The following RIPOR3 variants were observed in gnomAD, a reference collection of about 807,000 sequenced individuals.
RIPOR3 encodes family with sequence similarity 65 member C.
In RIPOR3, 95 loss-of-function variants were observed where a neutral mutation model predicts 114.3. The ratio of observed to expected loss-of-function variants is 0.83; its 90% confidence interval spans 0.70 to 0.99. The LOEUF is 0.99. Ranked by LOEUF, RIPOR3 falls within the 50% of genes least tolerant of loss-of-function variation. RIPOR3 has a pLI of 0.00. For missense variants in RIPOR3, 1,252 were observed against 1,266.9 expected (o/e 0.99, Z 0.18); for synonymous variants, 575 against 543.8 (o/e 1.06, Z -0.80).
At chr20:50,591,623 C>A (rs1568814890) in intron 19 of RIPOR3, among the ~76,000 whole-genome samples, 1 of 152,200 alleles carries the variant, frequency 6.6e-6, no homozygotes, top group Non-Finnish European at 1.5e-5. Context: ...GTAGACTATG[C>A]CCTTGATGTC....
intron 1 of RIPOR3, among the ~76,000 whole-genome samples, chr20:50,683,577 C>T (rs2086927431): frequency 6.6e-6 from 1 of 151,878 alleles, no homozygotes; most frequent in Non-Finnish European, 1.5e-5. Context: ...CTCAGCCTCC[C>T]GAGTAGCTGG....
rs376896594 is a variant in RIPOR3, at chr20:50,602,605, C to T, written c.1126G>A (p.Gly376Ser). The T allele has an allele frequency of 8.7e-6, 13 of 1,502,166 alleles. No homozygotes were observed. In the African/African-American group the frequency reaches 1.7e-4, roughly 19 times the overall value. The allele number at this position is 1,502,166 out of a possible 1,614,324, so 93.1% of individuals were successfully genotyped here. A position where few individuals can be genotyped will look rare whatever the true frequency, so the allele number is the denominator to read the frequency against. The change falls in exon 13 of 22, where the codon GGT becomes AGT. Residue 376 changes from glycine (G) to serine (S), a missense_variant. Coordinates refer to ENST00000327979, the MANE Select transcript of RIPOR3 (RefSeq NM_001290268.2). This position sits in a 1 kb window ranked among gnomAD's most constrained non-coding sequence, Gnocchi z 4.3. ...AGGATGGAGGTGGCCCTTGGGCCAC[C>T]CAGCAGCAAGGCCTGCTGTGTTGGC... The part of the protein sequence containing the change: ...QQPTQQALLL[G>S]GPRATSILSY...
At chr20:50,647,551 C>T (rs951018843) in intron 1 of RIPOR3, among the ~76,000 whole-genome samples, 2 of 142,260 alleles carry the variant, frequency 1.4e-5, no homozygotes, top group Non-Finnish European at 3.0e-5. Flanking sequence ...GGCGCAATCT[C>T]GGCTCACTGC....
At chr20:50,624,457 G>A (rs945760411) in intron 2 of RIPOR3, among the ~76,000 whole-genome samples, 11 of 152,268 alleles carry the variant, frequency 7.2e-5, no homozygotes, top group East Asian at 1.9e-4. Flanking sequence ...TTATACCCTC[G>A]CTGCTGCAGC....
chr20:50,655,351 C>T (rs1033400025), intron 1 of RIPOR3, among the ~76,000 whole-genome samples: 2 of 152,200 alleles, frequency 1.3e-5, no homozygotes, highest in Non-Finnish European at 2.9e-5. Flanking sequence ...CAGGGACAAA[C>T]TCCTTCTTGT....
In RIPOR3 at chr20:50,614,075, G is replaced by A. The variant is rs566206007; in HGVS notation, c.348+1927C>T. Among the ~76,000 whole-genome samples the A allele has an allele frequency of 1.7e-4, 26 of 152,190 alleles. No individual in the cohort carries two copies. The South Asian group carries it at 5.4e-3, about 32-fold the overall frequency. On this transcript the variant is annotated intron_variant, in intron 4 of 21. Transcript: ENST00000327979. ...CATTGAAACAGAGTCTGGCTCTATCGTCCAGGCTGGTGTGCAGTGGTACGA... is the reference window on the plus strand; with the variant it reads ...CATTGAAACAGAGTCTGGCTCTATCATCCAGGCTGGTGTGCAGTGGTACGA...
In RIPOR3 at chr20:50,592,445, T is replaced by C. The variant is rs754415164; in HGVS notation, c.2476A>G (p.Arg826Gly). 3.6e-5 allele frequency: 58 copies of C among 1,612,520 alleles called. No homozygotes were observed. The highest frequency in any genetic ancestry group is 1.6e-4 in the Middle Eastern group (1 of 6,080). Residue 826 changes from arginine (R) to glycine (G), a missense_variant, in exon 19 of 22, where the codon AGA (arginine) becomes GGA (glycine). Physicochemically the swap from Arg to Gly is moderately radical, Grantham distance 125. Transcript: ENST00000327979. ...GQLQPLPQTL[R>G]AWALLQLDGT... ...TCCAGCTGGAGCAGCGCCCAGGCTC[T>C]TAAGGTCTGGGGCAGAGGCTGGAGC... is the stretch of plus-strand genomic sequence containing the variant.
At chr20:50,649,832 C>T (rs2085539086) in intron 1 of RIPOR3, among the ~76,000 whole-genome samples, 1 of 152,130 alleles carries the variant, frequency 6.6e-6, no homozygotes, top group African/African-American at 2.4e-5. Context: ...TTTGAGGCTT[C>T]CAATGGGGGC....
intron 1 of RIPOR3, among the ~76,000 whole-genome samples, chr20:50,666,180 C>CCCTTCCCTT (rs1600720802): frequency 3.6e-5 from 3 of 82,636 alleles, no homozygotes; most frequent in African/African-American, 1.6e-4. Context: ...AGAAAGGACA[C>CCCTTCCCTT]CCATTTCTTT....
Position 50,602,604 on chromosome 20 carries a change from C to G in RIPOR3, c.1127G>C (p.Gly376Ala). The G allele has an allele frequency of 6.6e-7, 1 of 1,508,862 alleles. No homozygotes were observed. The highest frequency in any genetic ancestry group is 8.9e-7 in the Non-Finnish European group (1 of 1,129,366). The allele number at this position is 1,508,862 out of a possible 1,614,324, so 93.5% of individuals were successfully genotyped here. ...GAGGATGGAGGTGGCCCTTGGGCCA[C>G]CCAGCAGCAAGGCCTGCTGTGTTGG... ...QQPTQQALLLGGPRATSILSY... is the reference protein window; with the variant it reads ...QQPTQQALLLAGPRATSILSY... The change falls in exon 13 of 22, where the codon GGT becomes GCT. Residue 376 changes from glycine to alanine, a missense_variant. Transcript: ENST00000327979. This position sits in a 1 kb window ranked among gnomAD's most constrained non-coding sequence, Gnocchi z 4.3.
rs996352015 is a variant in RIPOR3, at chr20:50,648,430, A to C, written c.4-17574T>G. Among the ~76,000 whole-genome samples, 21 of 148,846 alleles carry C rather than the reference A, an allele frequency of 1.4e-4. 1 individual carries two copies. In the Middle Eastern group the frequency reaches 0.024, roughly 172 times the overall value. Reference sequence around the variant, plus strand: ...TAGAAGTCCAAATCAAGGTGTCGGCAGGGCCATGCTCCCTCTAAAGCAGCG... The same window carrying C: ...TAGAAGTCCAAATCAAGGTGTCGGCCGGGCCATGCTCCCTCTAAAGCAGCG... On this transcript the variant is annotated intron_variant, in intron 1 of 21. Transcript: ENST00000327979.
Position 50,597,831 on chromosome 20 carries a change from C to T in RIPOR3, c.1660-121G>A, listed in dbSNP as rs1207171737. On this transcript the variant is annotated intron_variant, in intron 13 of 21. Transcript: ENST00000327979. ...CCCGGTCCCAAGCCCCAATCCCACA[C>T]ACCGTCCCCCAGCAGAAGCCCAGCC... The T allele has an allele frequency of 3.9e-5, 55 of 1,414,794 alleles. No homozygotes were observed. The Admixed American group carries it at 4.5e-4, about 12-fold the overall frequency. 87.6% of individuals were successfully genotyped at this position (1,414,794 alleles called of 1,614,324 possible). A position where few individuals can be genotyped will look rare whatever the true frequency, so the allele number is the denominator to read the frequency against.
At chr20:50,598,209 G>A (rs1000703420) in intron 13 of RIPOR3, among the ~76,000 whole-genome samples, 9 of 150,432 alleles carry the variant, frequency 6.0e-5, no homozygotes, top group African/African-American at 2.2e-4. Flanking sequence ...GCTTCTTCAC[G>A]AGGCTCAGAG....
At chr20:50,686,786 G>GT (rs1210242195) in intron 1 of RIPOR3, among the ~76,000 whole-genome samples, 1 of 151,878 alleles carries the variant, frequency 6.6e-6, no homozygotes, top group Non-Finnish European at 1.5e-5. Flanking sequence ...AAAAGTGCAC[G>GT]TTTTTTAGTT....
intron 2 of RIPOR3, among the ~76,000 whole-genome samples, chr20:50,627,124 G>A (rs192125563): frequency 2.4e-4 from 37 of 152,142 alleles, no homozygotes; most frequent in Admixed American, 5.9e-4. Context: ...GGAGCTTGCA[G>A]TGAGCCTAAA....
chr20:50,616,479 A>G (rs1309555652), intron 3 of RIPOR3, among the ~76,000 whole-genome samples: 1 of 151,948 alleles, frequency 6.6e-6, no homozygotes, highest in Non-Finnish European at 1.5e-5. Context: ...AGCAGCTGGG[A>G]CTACAGGTGT....
rs1185812634 is a variant in RIPOR3 at position 50,592,510 on chromosome 20, G to C, written c.2411C>G (p.Ala804Gly). The C allele has an allele frequency of 6.2e-7, 1 of 1,607,532 alleles. No homozygotes were observed. The highest frequency in any genetic ancestry group is 8.5e-7 in the Non-Finnish European group (1 of 1,176,652). ...LIEELHCAGQAKVVRKLQGKR... is the reference protein window; with the variant it reads ...LIEELHCAGQGKVVRKLQGKR... ...CCCCTGCAGCTTCCGGACCACCTTG[G>C]CCTGTCCCGCACAGTGAAGCTCCTC... Residue 804 changes from alanine to glycine, a missense_variant, in exon 19 of 22, where the codon GCC becomes GGC. Ala to Gly is a moderately conservative substitution (Grantham distance 60). Coordinates refer to ENST00000327979, the MANE Select transcript of RIPOR3 (RefSeq NM_001290268.2).
intron 1 of RIPOR3, among the ~76,000 whole-genome samples, chr20:50,637,579 G>A (rs1340976967): frequency 6.6e-6 from 1 of 152,010 alleles, no homozygotes; most frequent in African/African-American, 2.4e-5. Flanking sequence ...AAAAGTTTTT[G>A]GGGCCAGGCA....
chr20:50,625,683 G>C (rs1031366719), intron 2 of RIPOR3, among the ~76,000 whole-genome samples: 5 of 152,134 alleles, frequency 3.3e-5, no homozygotes, highest in Non-Finnish European at 5.9e-5. Context: ...CTGACTGCCT[G>C]GGGGAGGGAG....
Sources: gnomAD v4.1 joint callset for allele counts (sites outside exome capture counted in the v4.1 genomes callset) on GRCh38, gnomAD v4.1.1 for gene constraint, Gnocchi (gnomAD v3.1) non-coding constraint, MANE v1.5 for transcripts, NCBI Gene and HGNC (gene_info 2026-07-23, HGNC 2026-07-21) for gene names.